The following FGD5 variants were observed in gnomAD, a reference collection of about 807,000 sequenced individuals.
FGD5 encodes the protein FYVE, RhoGEF and PH domain-containing protein 5.
In FGD5, 28 loss-of-function variants were observed where a neutral mutation model predicts 133.4. The observed-to-expected ratio is 0.21, with a 90% CI of 0.16 to 0.29. The LOEUF (loss-of-function observed/expected upper bound fraction) is 0.29. FGD5 is among the 10% of genes least tolerant of loss of function. The probability of loss-of-function intolerance (pLI) is 1.00; values close to 1 mark genes in which losing one functional copy is unlikely to be tolerated. For missense variants in FGD5, 1,858 were observed against 1,895.2 expected (o/e 0.98, Z 0.36); for synonymous variants, 810 against 776.5 (o/e 1.04, Z -0.72).
rs79116739 is a variant in FGD5 at position 14,906,698 on chromosome 3, T to C, written c.3265-942T>C. Among the ~76,000 whole-genome samples the C allele has an allele frequency of 2.5e-3, 384 of 152,338 alleles. 4 individuals are homozygous for C. The highest frequency in any genetic ancestry group is 8.9e-3 in the African/African-American group (368 of 41,572). ...CCTGTCCTTTGAGAATTCATTAACA[T>C]TTTCGCTGCTTTCTTCTTACCTTCC... On this transcript the variant is annotated intron_variant, in intron 9 of 19. Transcript: ENST00000285046.
At position 14,821,060 on chromosome 3, in the gene FGD5, G is replaced by T. The variant is rs199989316; in HGVS notation, c.1989G>T (p.Lys663Asn). 49 of 1,613,866 alleles carry T rather than the reference G, an allele frequency of 3.0e-5. No individual in the cohort carries two copies. Among genetic ancestry groups the T allele is most frequent in the Non-Finnish European group, 3.9e-5 (46 of 1,179,898 alleles). Reference sequence around the variant, plus strand: ...GCTTCCTGGCACTGACGTTTAAGAAGAAGACGGAGAACAAATTGCATGTGG... The same window carrying T: ...GCTTCCTGGCACTGACGTTTAAGAATAAGACGGAGAACAAATTGCATGTGG... ...FKRFLALTFKKKTENKLHVDV... is the reference protein window; with the variant it reads ...FKRFLALTFKNKTENKLHVDV... Residue 663 changes from lysine (K) to asparagine (N), a missense_variant, in exon 1 of 20, where the codon AAG (lysine) becomes AAT (asparagine). This residue lies in a region of FGD5 where 1,824 missense variants were observed against 1,848.9 expected (regional missense o/e 0.99). Coordinates refer to ENST00000285046, the MANE Select transcript of FGD5 (RefSeq NM_152536.4).
At position 14,864,179 on chromosome 3, in the gene FGD5, A is replaced by G. The variant is rs755191373; in HGVS notation, c.2577A>G (p.Lys859=). The G allele has an allele frequency of 5.0e-6, 8 of 1,614,024 alleles. No homozygotes were observed. Among genetic ancestry groups the G allele is most frequent in the East Asian group, 4.5e-5 (2 of 44,882 alleles). The part of the protein sequence containing the change: ...KVCPISSAAP[K]EDLTSDEEQR... ...GTCCCATCTCGTCGGCAGCCCCCAA[A>G]GAGGACCTTACGTCGGATGAAGAGC... Residue 859 remains lysine (K), a synonymous_variant, in exon 2 of 20, where the codon AAA becomes AAG. Transcript: ENST00000285046.
chr3:14,819,387 G>A lies in FGD5; in HGVS notation c.316G>A (p.Gly106Ser). Residue 106 changes from glycine (G) to serine (S), a missense_variant, in exon 1 of 20, where the codon GGC becomes AGC. Physicochemically the swap from Gly to Ser is moderately conservative, Grantham distance 56 (BLOSUM62 0). Coordinates refer to ENST00000285046, the MANE Select transcript of FGD5 (RefSeq NM_152536.4). The surrounding 1 kb of genome is among the most constrained non-coding windows in gnomAD (Gnocchi z 4.1). ...AEEEEEREEG[G>S]EACGLEGTGA... ...AGAGGAAGAGGAGCGTGAAGAGGGA[G>A]GCGAGGCATGTGGCCTGGAGGGTAC... 2 of 1,550,086 alleles carry A rather than the reference G, an allele frequency of 1.3e-6. No individual in the cohort carries two copies. The highest frequency in any genetic ancestry group is 1.7e-6 in the Non-Finnish European group (2 of 1,146,214).
chr3:14,814,342 A>G (rs960553171), upstream of FGD5, among the ~76,000 whole-genome samples: 1 of 152,144 alleles, frequency 6.6e-6, no homozygotes, highest in Non-Finnish European at 1.5e-5. Context: ...GGTGGAGCCT[A>G]TTTTTTAATT....
rs1251600654 is a variant in FGD5, at chr3:14,933,187, C to T, written c.*20C>T. On this transcript the variant is annotated 3_prime_UTR_variant, in exon 20 of 20. Transcript: ENST00000285046. ...TTATAGCAGTTATCAAGCATGTGGA[C>T]TTGTAACAAATTCTTAGGTCAATAT... 24 of 1,612,350 alleles carry T rather than the reference C, an allele frequency of 1.5e-5. No individual in the cohort carries two copies. Among genetic ancestry groups the T allele is most frequent in the Non-Finnish European group, 2.0e-5 (24 of 1,179,186 alleles).
chr3:14,932,895 T>A (rs2038922834), intron 19 of FGD5, among the ~76,000 whole-genome samples, 164 bp downstream of exon 19: 1 of 152,226 alleles, frequency 6.6e-6, no homozygotes, highest in Admixed American at 6.5e-5. Flanking sequence ...CACAATCATG[T>A]TTAGACTGTT....
chr3:14,811,899 C>T (rs2036299660), intron 1 of FGD5, among the ~76,000 whole-genome samples: 1 of 152,034 alleles, frequency 6.6e-6, no homozygotes, highest in Non-Finnish European at 1.5e-5. Flanking sequence ...GAAGGCAGCC[C>T]GCTCCCCGAC....
chr3:14,828,248 C>T (rs1056078923), intron 1 of FGD5, among the ~76,000 whole-genome samples: 8 of 152,076 alleles, frequency 5.3e-5, no homozygotes, highest in Admixed American at 1.3e-4. Flanking sequence ...GGCCCAGGAC[C>T]CAAAGAGTAG....
In FGD5 at chr3:14,887,845, T is replaced by G. The variant is rs550794195; in HGVS notation, c.2748+7073T>G. On this transcript the variant is annotated intron_variant, in intron 4 of 19. Transcript: ENST00000285046. ...CTGTGCCTGGCAACAGGATCAACAT[T>G]TGCAAAGGCCTGGAGGTCAGTTAAG... is the stretch of plus-strand genomic sequence containing the variant. 5.3e-5 allele frequency among the ~76,000 whole-genome samples: 8 copies of G among 152,044 alleles called. No individual in the cohort carries two copies. In the South Asian group the frequency reaches 1.5e-3, roughly 28 times the overall value.
At chr3:14,887,835 G>A (rs1357512216) in intron 4 of FGD5, among the ~76,000 whole-genome samples, 1 of 152,034 alleles carries the variant, frequency 6.6e-6, no homozygotes, top group Admixed American at 6.5e-5. Context: ...CCTGGCAACA[G>A]GATCAACATT....
At position 14,924,912 on chromosome 3, in the gene FGD5, T is replaced by C. The variant is rs560637087; in HGVS notation, c.4068+774T>C. 2.3e-4 allele frequency among the ~76,000 whole-genome samples: 35 copies of C among 151,982 alleles called. 1 individual carries two copies. The highest frequency in any genetic ancestry group is 4.4e-4 in the Non-Finnish European group (30 of 67,970). Reference sequence around the variant, plus strand: ...GTCGGGAGATCCAGACCATCTTGGCTAACACAGTGAAACCCCATCTCTACT... The same window carrying C: ...GTCGGGAGATCCAGACCATCTTGGCCAACACAGTGAAACCCCATCTCTACT... On this transcript the variant is annotated intron_variant, in intron 17 of 19. Coordinates refer to ENST00000285046, the MANE Select transcript of FGD5 (RefSeq NM_152536.4).
intron 2 of FGD5, among the ~76,000 whole-genome samples, chr3:14,873,037 G>C (rs2037642400): frequency 6.6e-6 from 1 of 152,198 alleles, no homozygotes; most frequent in Non-Finnish European, 1.5e-5. Context: ...CTTAGGTCTT[G>C]TTTATAATTT....
rs1392178938 is a variant in FGD5, at chr3:14,897,419, C to G, written c.2749-90C>G. On this transcript the variant is annotated intron_variant, in intron 4 of 19. Coordinates refer to ENST00000285046, the MANE Select transcript of FGD5 (RefSeq NM_152536.4). ...TCCTCACTGCTGTCTTCACAGAGGC[C>G]AGGGCTCCAAAGCCCCAGGGGAAAT... 2.7e-6 allele frequency: 4 copies of G among 1,462,708 alleles called. No individual in the cohort carries two copies. In the African/African-American group the frequency reaches 5.7e-5, roughly 21 times the overall value. The allele number at this position is 1,462,708 out of a possible 1,614,324, so 90.6% of individuals were successfully genotyped here.
chr3:14,819,821 TGAG>T lies in FGD5; in HGVS notation c.754_756del (p.Glu252del), dbSNP rs1478582182. ...TGGGACAGGATGCTGAGGACACCAG[TGAG>T]GAGCCCCCTGAGAAGGAGGAGCTGG... On this transcript the variant is annotated inframe_deletion, in exon 1 of 20. Transcript: ENST00000285046. The surrounding 1 kb of genome is among the most constrained non-coding windows in gnomAD (Gnocchi z 4.1). 6.3e-7 allele frequency: 1 copy of T among 1,598,334 alleles called. No homozygotes were observed. The highest frequency in any genetic ancestry group is 1.3e-5 in the African/African-American group (1 of 74,422).
rs2038709909 is a variant in FGD5 at position 14,922,710 on chromosome 3, T to C, written c.3807+162T>C. Among the ~76,000 whole-genome samples the C allele has an allele frequency of 6.6e-6, 1 of 152,150 alleles. No homozygotes were observed. The highest frequency in any genetic ancestry group is 2.1e-4 in the South Asian group (1 of 4,822). On this transcript the variant is annotated intron_variant, in intron 15 of 19. Coordinates refer to ENST00000285046, the MANE Select transcript of FGD5 (RefSeq NM_152536.4). This position sits in a 1 kb window ranked among gnomAD's most constrained non-coding sequence, Gnocchi z 4.1. ...GAGGAACAGATTGCTAATTCCCATT[T>C]TATAGATCATCAAACCAGAGCTCCA... is the stretch of plus-strand genomic sequence containing the variant.
chr3:14,845,583 G>A (rs1388043), intron 1 of FGD5, among the ~76,000 whole-genome samples: 75,690 of 151,952 alleles, frequency 0.5, 19,200 homozygotes, highest in African/African-American at 0.55. Context: ...GGTGGAGGTA[G>A]CAAGACTCCA....
In FGD5 at chr3:14,835,235, C is replaced by T. The variant is rs978718239; in HGVS notation, c.2525+13639C>T. Among the ~76,000 whole-genome samples, 7 of 152,332 alleles carry T rather than the reference C, an allele frequency of 4.6e-5. No homozygotes were observed. The South Asian group carries it at 1.0e-3, about 23-fold the overall frequency. ...ACTACAGGCAGGGCGAGGTGGCTCA[C>T]GCCTGTAATCCCAGTACTTTGGGAG... On this transcript the variant is annotated intron_variant, in intron 1 of 19. Transcript: ENST00000285046.
chr3:14,868,064 A>G (rs548231220), intron 2 of FGD5, among the ~76,000 whole-genome samples: 1 of 152,224 alleles, frequency 6.6e-6, no homozygotes, highest in South Asian at 2.1e-4. Flanking sequence ...TCCCACTCGT[A>G]GACACACAAA....
intron 1 of FGD5, chr3:14,811,527 G>A (rs1011344527): frequency 6.6e-6 from 1 of 152,656 alleles, no homozygotes; most frequent in African/African-American, 2.4e-5. Flanking sequence ...CCAATGCCAA[G>A]GGGACGCTCC....
Sources: allele counts gnomAD v4.1 joint callset (sites outside exome capture counted in the v4.1 genomes callset), GRCh38; gene constraint gnomAD v4.1.1; regional missense constraint gnomAD v4.1.1; non-coding constraint Gnocchi (gnomAD v3.1); transcripts MANE v1.5; gene names NCBI Gene and HGNC (gene_info 2026-07-23, HGNC 2026-07-21).